The following SNX16 variants were observed in gnomAD, a reference collection of about 807,000 sequenced individuals.
SNX16 encodes sorting nexin 16, also known as sorting nexin-16.
A neutral mutation model predicts 36.7 loss-of-function variants in SNX16; 35 were observed. That is an observed-to-expected ratio of 0.95 (90% CI 0.73 to 1.27). SNX16 has a LOEUF of 1.27. Among genes scored for constraint, SNX16 ranks in the 50% most tolerant of loss-of-function variants. The pLI is 0.00. For synonymous variants in SNX16, 134 were observed against 132.0 expected, an observed-to-expected ratio of 1.02 and a Z score of -0.10; for missense variants, 367 against 393.6, an observed-to-expected ratio of 0.93 and a Z score of 0.57.
chr8:81,827,651 T>C (rs1305271286), intron 3 of SNX16, among the ~76,000 whole-genome samples: 1 of 152,216 alleles, frequency 6.6e-6, no homozygotes, highest in East Asian at 1.9e-4. Flanking sequence ...TAAAATAATT[T>C]AGCATTCCAT....
chr8:81,815,840 C>T (rs1292946406), intron 4 of SNX16: 2 of 153,478 alleles, frequency 1.3e-5, no homozygotes, highest in African/African-American at 4.8e-5. Context: ...AAAGACTGAC[C>T]TTGCAATCAT....
At chr8:81,829,088 GT>G (rs1198535993) in intron 3 of SNX16, among the ~76,000 whole-genome samples, 3 of 152,012 alleles carry the variant, frequency 2.0e-5, no homozygotes, top group Non-Finnish European at 4.4e-5. Flanking sequence ...AAGCAACAAA[GT>G]TTGTGGTAAT....
chr8:81,820,074 A>G (rs1810664344), intron 4 of SNX16, among the ~76,000 whole-genome samples: 1 of 152,122 alleles, frequency 6.6e-6, no homozygotes, highest in South Asian at 2.1e-4. Flanking sequence ...AGCTTTTTCT[A>G]TGTTGCCATT....
intron 5 of SNX16, chr8:81,814,848 T>C (rs1810407026): frequency 6.6e-6 from 1 of 152,168 alleles, no homozygotes; most frequent in Admixed American, 6.5e-5. Flanking sequence ...ATCTAGGCTA[T>C]TGCTTCAAGA....
chr8:81,827,356 TG>T (rs1349727122), intron 3 of SNX16, among the ~76,000 whole-genome samples: 1 of 152,156 alleles, frequency 6.6e-6, no homozygotes, highest in Non-Finnish European at 1.5e-5. Context: ...ACAATGAAAC[TG>T]TTTGAAATTA....
rs557326184 is a variant in SNX16, at chr8:81,810,309, C to T, written c.681+5016G>A. ...AGTATATGAGGGGTAGAAATGACTA[C>T]CTTAAATAGGGAACAGAGAAAAGTA... On this transcript the variant is annotated intron_variant, in intron 5 of 7. Transcript: ENST00000345957. Among the ~76,000 whole-genome samples, 450 of 152,118 alleles carry T rather than the reference C, an allele frequency of 3.0e-3. 2 individuals carry two copies. Among genetic ancestry groups the T allele is most frequent in the African/African-American group, 0.01 (435 of 41,510 alleles).
At chr8:81,833,865 G>A (rs1811376680) in intron 2 of SNX16, among the ~76,000 whole-genome samples, 2 of 152,076 alleles carry the variant, frequency 1.3e-5, no homozygotes, top group Non-Finnish European at 2.9e-5. Flanking sequence ...AATAACTGTT[G>A]TTGTTTCTAC....
chr8:81,832,414 T>A (rs1387195318), intron 2 of SNX16, among the ~76,000 whole-genome samples: 1 of 151,978 alleles, frequency 6.6e-6, no homozygotes, highest in African/African-American at 2.4e-5. Context: ...GGACTCCTAG[T>A]GGAGAAGGAT....
At chr8:81,824,014 C>T in intron 3 of SNX16, 74 bp from the exon 4 acceptor site, 1 of 1,303,118 alleles carries the variant, frequency 7.7e-7, no homozygotes, top group Non-Finnish European at 1.1e-6. Context: ...ATCCTGTTGA[C>T]TACATGAAAT....
intron 4 of SNX16, among the ~76,000 whole-genome samples, chr8:81,819,222 TA>T (rs1363695303): frequency 1.3e-5 from 2 of 152,060 alleles, no homozygotes; most frequent in African/African-American, 2.4e-5. Flanking sequence ...GAAGTACTTC[TA>T]AAAATGGAGA....
chr8:81,838,552 C>G (rs1233286572), intron 2 of SNX16, among the ~76,000 whole-genome samples: 2 of 149,058 alleles, frequency 1.3e-5, no homozygotes, highest in Non-Finnish European at 3.0e-5. Context: ...CAAATAAAAG[C>G]CTGATTAATT....
At chr8:81,805,595 A>C in intron 5 of SNX16, among the ~76,000 whole-genome samples, 1 of 152,246 alleles carries the variant, frequency 6.6e-6, no homozygotes, top group Non-Finnish European at 1.5e-5. Flanking sequence ...AACTAAAGAT[A>C]TGTTAAGAGA....
intron 5 of SNX16, among the ~76,000 whole-genome samples, chr8:81,810,114 T>C (rs951908721): frequency 6.6e-6 from 1 of 152,092 alleles, no homozygotes; most frequent in African/African-American, 2.4e-5. Context: ...ATAATTCATA[T>C]AAAATATTAA....
intron 3 of SNX16, among the ~76,000 whole-genome samples, chr8:81,824,191 G>C (rs1227892393): frequency 2.6e-5 from 4 of 152,098 alleles, no homozygotes; most frequent in Admixed American, 1.3e-4. Context: ...CCATTTTAGT[G>C]GGGGTGTAGA....
chr8:81,838,907 A>G (rs1169061504), intron 2 of SNX16, among the ~76,000 whole-genome samples: 1 of 152,144 alleles, frequency 6.6e-6, no homozygotes, highest in Non-Finnish European at 1.5e-5. Flanking sequence ...ACTACAAATC[A>G]AAAGGGAGAC....
rs541443248 is a variant in SNX16 at position 81,824,122 on chromosome 8, A to C, written c.463-182T>G. On this transcript the variant is annotated intron_variant, in intron 3 of 7. Coordinates refer to ENST00000345957, the MANE Select transcript of SNX16 (RefSeq NM_152836.3). The stretch of plus-strand genomic sequence containing the variant: ...TTTCTACCAGCTGTGTATACAGAAG[A>C]GTTCCAGTCTTTCCACATCCTTGCC... Among the ~76,000 whole-genome samples, 7 of 152,322 alleles carry C rather than the reference A, an allele frequency of 4.6e-5. No individual in the cohort carries two copies. The South Asian group carries it at 1.2e-3, about 27-fold the overall frequency.
At position 81,801,611 on chromosome 8, in the gene SNX16, A is replaced by G; in HGVS notation, c.939-18T>C. Reference sequence around the variant, plus strand: ...TATCAGCTCTGCAAAAAAAAAAAAAAAAGGAACATATCAATGATGGGACTG... The same window carrying G: ...TATCAGCTCTGCAAAAAAAAAAAAAGAAGGAACATATCAATGATGGGACTG... On this transcript the variant is annotated intron_variant, in intron 7 of 7. Transcript: ENST00000345957. 1.4e-6 allele frequency: 2 copies of G among 1,454,150 alleles called. No individual in the cohort carries two copies. Among genetic ancestry groups the G allele is most frequent in the Non-Finnish European group, 1.9e-6 (2 of 1,063,222 alleles). 90.1% of individuals were successfully genotyped at this position (1,454,150 alleles called of 1,614,324 possible).
chr8:81,810,856 C>T (rs1470255611), intron 5 of SNX16, among the ~76,000 whole-genome samples: 1 of 152,140 alleles, frequency 6.6e-6, no homozygotes, highest in South Asian at 2.1e-4. Context: ...AAAAAGTTAT[C>T]CAGCCCTAAA....
chr8:81,807,518 C>CA (rs71268027), intron 5 of SNX16, among the ~76,000 whole-genome samples: 2,610 of 49,284 alleles, frequency 0.053, 480 homozygotes, highest in East Asian at 0.19. Flanking sequence ...GACTCTGTCT[C>CA]AAAAAAAAAA....
Sources: gnomAD v4.1 joint callset for allele counts (sites outside exome capture counted in the v4.1 genomes callset) on GRCh38, gnomAD v4.1.1 for gene constraint, MANE v1.5 for transcripts, NCBI Gene and HGNC (gene_info 2026-07-23, HGNC 2026-07-21) for gene names.